NTRK1: variants seen among roughly 807,000 people sequenced by gnomAD.
NTRK1 encodes the protein neurotrophic receptor tyrosine kinase 1, also known as high affinity nerve growth factor receptor.
A neutral mutation model predicts 86.8 loss-of-function variants in NTRK1; 62 were observed. That is an observed-to-expected ratio of 0.71 (90% CI 0.58 to 0.88). The LOEUF is 0.88. Ranked by LOEUF, NTRK1 falls within the 40% of genes least tolerant of loss-of-function variation. The pLI is 0.00. For missense variants in NTRK1, 967 were observed against 1,078.4 expected (o/e 0.90, Z 1.45); for synonymous variants, 469 against 456.6 (o/e 1.03, Z -0.35).
Position 156,880,565 on chromosome 1 carries a change from A to AC in NTRK1, c.2205+413dup, listed in dbSNP as rs41501652. On this transcript the variant is annotated intron_variant, in intron 16 of 16. Coordinates refer to ENST00000524377, the MANE Select transcript of NTRK1 (RefSeq NM_002529.4). Reference sequence around the variant, plus strand: ...GTTAGACTGTCAGAAGGACAGTCCTACCCCCTCCCCCTGCCCTCCTAGCTG... The same window carrying AC: ...GTTAGACTGTCAGAAGGACAGTCCTACCCCCCTCCCCCTGCCCTCCTAGCTG... 779 of 192,082 alleles carry AC rather than the reference A, an allele frequency of 4.1e-3. 11 individuals are homozygous for AC. The highest frequency in any genetic ancestry group is 0.017 in the African/African-American group (733 of 42,552). The allele number at this position is 192,082 out of a possible 1,614,324, so 11.9% of individuals were successfully genotyped here.
At chr1:156,825,260 G>C (rs750334395) in intron 1 of NTRK1, among the ~76,000 whole-genome samples, 8 of 152,166 alleles carry the variant, frequency 5.3e-5, no homozygotes, top group Non-Finnish European at 8.8e-5. Flanking sequence ...CAATAACTAG[G>C]TTGAACGAGA....
Position 156,851,210 on chromosome 1 carries a change from C to A in NTRK1, c.50+9017C>A, listed in dbSNP as rs753437544. The A allele has an allele frequency of 3.2e-6, 5 of 1,558,796 alleles. No homozygotes were observed. The South Asian group carries it at 5.6e-5, about 17-fold the overall frequency. On this transcript the variant is annotated intron_variant, in intron 2 of 16. Coordinates refer to the NTRK1 transcript ENST00000392302. ...GTGAGTAGCAAAATTGGTTCCAGAG[C>A]CCATTCTCTTCACCACTGTTCTGGG...
intron 1 of NTRK1, chr1:156,841,086 G>T (rs746152671): frequency 1.6e-5 from 25 of 1,564,120 alleles, no homozygotes; most frequent in Non-Finnish European, 2.1e-5. Context: ...GCTGCCAGCA[G>T]CGGCTCATCA....
intron 1 of NTRK1, among the ~76,000 whole-genome samples, chr1:156,861,728 G>C (rs2102880663): frequency 6.6e-6 from 1 of 152,178 alleles, no homozygotes; most frequent in East Asian, 1.9e-4. Flanking sequence ...TTGGATCTGG[G>C]AAATGGGACC....
At chr1:156,849,545 G>A (rs1028779988) in intron 2 of NTRK1, 72 of 1,010,144 alleles carry the variant, frequency 7.1e-5, no homozygotes, top group Admixed American at 1.0e-4. Context: ...CCTCCTGGAA[G>A]GGTTTTGCTG....
Position 156,881,454 on chromosome 1 carries a change from C to T in NTRK1, c.2206-3C>T, listed in dbSNP as rs1462352497. 1.3e-6 allele frequency: 2 copies of T among 1,561,424 alleles called. No individual in the cohort carries two copies. The highest frequency in any genetic ancestry group is 3.8e-5 in the Admixed American group (2 of 52,374). On this transcript the variant is annotated splice_region_variant and splice_polypyrimidine_tract_variant and intron_variant, in intron 16 of 16. Coordinates refer to ENST00000524377, the MANE Select transcript of NTRK1 (RefSeq NM_002529.4). ...TTCTCCTCTGTCTCTCCGGTGGCCC[C>T]AGGCAATCGACTGCATCACGCAGGG...
At chr1:156,841,515 C>A in intron 1 of NTRK1, 2 of 1,613,994 alleles carry the variant, frequency 1.2e-6, no homozygotes, top group African/African-American at 1.3e-5. Flanking sequence ...TCCCAGAGTA[C>A]CACGCCAAAG....
chr1:156,857,911 A>C (rs115699453), upstream of NTRK1, among the ~76,000 whole-genome samples: 1 of 152,068 alleles, frequency 6.6e-6, no homozygotes, highest in African/African-American at 2.4e-5. Context: ...TTTAGTCTAT[A>C]TAGTCCCCCC....
chr1:156,880,279 C>T (rs1240975407), intron 16 of NTRK1, 122 bp downstream of exon 16: 1 of 1,029,728 alleles, frequency 9.7e-7, no homozygotes, highest in Non-Finnish European at 1.5e-6. Context: ...GGGGCCCTTT[C>T]CAGCGCCGTG....
At chr1:156,851,860 G>T in intron 2 of NTRK1, 2 of 1,574,664 alleles carry the variant, frequency 1.3e-6, no homozygotes, top group Non-Finnish European at 1.7e-6. Context: ...ACTGCTCCCA[G>T]GGTGCCCCCC....
chr1:156,844,625 C>T (rs1377320729), intron 2 of NTRK1: 8 of 1,613,988 alleles, frequency 5.0e-6, no homozygotes, highest in Non-Finnish European at 6.8e-6. Flanking sequence ...CTGTGGCCTC[C>T]TGAGAGTAAC....
At position 156,876,515 on chromosome 1, in the gene NTRK1, G is replaced by T. The variant is rs762542314; in HGVS notation, c.1748G>T (p.Arg583Leu). 9.9e-6 allele frequency: 16 copies of T among 1,613,430 alleles called. No individual in the cohort carries two copies. The highest frequency in any genetic ancestry group is 1.3e-5 in the African/African-American group (1 of 74,930). The stretch of plus-strand genomic sequence containing the variant: ...TTCTTCGGCGTCTGCACCGAGGGCC[G>T]CCCCCTGCTCATGGTCTTTGAGTAT... ...VRFFGVCTEGRPLLMVFEYMR... is the reference protein window; with the variant it reads ...VRFFGVCTEGLPLLMVFEYMR... Residue 583 changes from arginine to leucine, a missense_variant, in exon 14 of 17, where the codon CGC becomes CTC. By Grantham distance (102) the Arg-to-Leu change is moderately radical. This residue lies in a region of NTRK1 where 637 missense variants were observed against 776.5 expected (regional missense o/e 0.82). Coordinates refer to ENST00000524377, the MANE Select transcript of NTRK1 (RefSeq NM_002529.4).
rs41527546 is a variant in NTRK1 at position 156,875,191 on chromosome 1, T to C, written c.1354+183T>C. ...GTGAGTGTGAGTGTGTGTGGGAGCG[T>C]GTGTCGGGCTGGTGCTGGGGTAGTT... On this transcript the variant is annotated intron_variant, in intron 11 of 16. Transcript: ENST00000524377. Among the ~76,000 whole-genome samples the C allele has an allele frequency of 8.2e-3, 1,245 of 151,422 alleles. 71 individuals carry two copies. The highest frequency in any genetic ancestry group is 0.073 in the Admixed American group (1,105 of 15,204).
chr1:156,842,651 T>TAACAATGACCCTGACCCTAACCC (rs1487319310), intron 2 of NTRK1: 1 of 649,834 alleles, frequency 1.5e-6, no homozygotes, highest in African/African-American at 1.8e-5. Flanking sequence ...ACTCCTGACC[T>TAACAATGACCCTGACCCTAACCC]AACAATGACC....
At chr1:156,853,156 T>C (rs1165985779) in intron 2 of NTRK1, among the ~76,000 whole-genome samples, 1 of 152,148 alleles carries the variant, frequency 6.6e-6, no homozygotes, top group Non-Finnish European at 1.5e-5. Flanking sequence ...GTTCAGTTCT[T>C]CATTGATCAT....
chr1:156,875,403 C>A (rs1647839305), intron 11 of NTRK1, 117 bp from the exon 12 acceptor site: 1 of 1,378,818 alleles, frequency 7.3e-7, no homozygotes. Context: ...CGCTCCCTAG[C>A]TTCTCAGTCT....
intron 1 of NTRK1, among the ~76,000 whole-genome samples, chr1:156,817,373 A>G (rs956252604): frequency 2.0e-5 from 3 of 151,994 alleles, no homozygotes; most frequent in Non-Finnish European, 4.4e-5. Context: ...GCTTGAGCCC[A>G]GGAGTTCATG....
upstream of NTRK1, chr1:156,860,835 T>G: frequency 7.4e-7 from 1 of 1,345,318 alleles, no homozygotes; most frequent in Non-Finnish European, 9.5e-7. Context: ...GGCGGCTGGG[T>G]CTTTAACACC....
At chr1:156,840,916 G>A (rs1230351343) in intron 1 of NTRK1, 10 of 1,614,084 alleles carry the variant, frequency 6.2e-6, no homozygotes, top group Non-Finnish European at 8.5e-6. Context: ...GTCTCTTGGA[G>A]TGGGTGAGGA....
Sources: allele counts gnomAD v4.1 joint callset (sites outside exome capture counted in the v4.1 genomes callset), GRCh38; gene constraint gnomAD v4.1.1; regional missense constraint gnomAD v4.1.1; transcripts MANE v1.5; gene names NCBI Gene and HGNC (gene_info 2026-07-23, HGNC 2026-07-21).